Variants in CCSER1 observed in about 807,000 individuals in gnomAD.
The protein encoded by CCSER1 is serine-rich coiled-coil domain-containing protein 1.
CCSER1 carries 41 observed loss-of-function variants against 82.0 expected under a neutral mutation model. That is an observed-to-expected ratio of 0.50 (90% confidence interval 0.39 to 0.65). CCSER1 has a LOEUF of 0.65. Ranked by LOEUF, CCSER1 falls within the 30% of genes least tolerant of loss-of-function variation. The pLI is 0.00. For missense variants in CCSER1, 1,119 were observed against 1,064.2 expected, an observed-to-expected ratio of 1.05 and a Z score of -0.72; for synonymous variants, 414 against 383.9, an observed-to-expected ratio of 1.08 and a Z score of -0.92.
chr4:90,491,595 A>T (rs543433067), intron 5 of CCSER1, among the ~76,000 whole-genome samples: 33 of 152,220 alleles, frequency 2.2e-4, no homozygotes, highest in Non-Finnish European at 4.7e-4. Context: ...GTCTTGTGCC[A>T]GTTTTCAAAG....
In CCSER1 at chr4:90,364,447, A is replaced by G. The variant is rs370363966; in HGVS notation, c.1510-35589A>G. On this transcript the variant is annotated intron_variant, in intron 3 of 10. Coordinates refer to ENST00000509176, the MANE Select transcript of CCSER1 (RefSeq NM_001145065.2). ...ATGGTGTTCTGATTTTAGAAGTTAG[A>G]AGAAAATTGCAATTAAAAATATGAT... Among the ~76,000 whole-genome samples the G allele has an allele frequency of 4.6e-5, 7 of 152,188 alleles. No individual in the cohort carries two copies. The East Asian group carries it at 9.6e-4, about 21-fold the overall frequency.
At chr4:91,503,113 C>A (rs1456772170) in intron 10 of CCSER1, among the ~76,000 whole-genome samples, 1 of 151,954 alleles carries the variant, frequency 6.6e-6, no homozygotes. Flanking sequence ...GAGGCCGAGG[C>A]GGGCGGATCA....
At position 90,377,654 on chromosome 4, in the gene CCSER1, C is replaced by A. The variant is rs10029357; in HGVS notation, c.1510-22382C>A. Among the ~76,000 whole-genome samples, 1,182 of 152,044 alleles carry A rather than the reference C, an allele frequency of 7.8e-3. 12 individuals carry two copies. The highest frequency in any genetic ancestry group is 0.027 in the African/African-American group (1,138 of 41,492). ...AGAATACATGCCTTATTTTTGGAAA[C>A]GTAAATATTACTAAAATTGTATTAA... On this transcript the variant is annotated intron_variant, in intron 3 of 10. Transcript: ENST00000509176.
intron 5 of CCSER1, among the ~76,000 whole-genome samples, chr4:90,562,419 GA>G (rs1778881045): frequency 6.6e-6 from 1 of 151,892 alleles, no homozygotes; most frequent in Admixed American, 6.6e-5. Context: ...AAATAAAAGG[GA>G]AAACACATAG....
At chr4:90,826,957 C>A (rs945291263) in intron 8 of CCSER1, among the ~76,000 whole-genome samples, 18 of 152,074 alleles carry the variant, frequency 1.2e-4, no homozygotes, top group African/African-American at 3.4e-4. Context: ...GGGGTCTTTC[C>A]CCGTTCAGTG....
At position 91,491,760 on chromosome 4, in the gene CCSER1, T is replaced by G. The variant is rs148151615; in HGVS notation, c.2218-106812T>G. ...TTTCCTATTATTAAAGAATAAAACT[T>G]TTACTCATGTGACTACCCTACCAGA... On this transcript the variant is annotated intron_variant, in intron 10 of 10. Transcript: ENST00000509176. Among the ~76,000 whole-genome samples, 14 of 152,146 alleles carry G rather than the reference T, an allele frequency of 9.2e-5. No individual in the cohort carries two copies. The East Asian group carries it at 2.7e-3, about 29-fold the overall frequency.
intron 10 of CCSER1, among the ~76,000 whole-genome samples, chr4:91,134,929 G>A (rs186242675): frequency 4.5e-4 from 68 of 151,914 alleles, no homozygotes; most frequent in Middle Eastern, 6.8e-3. Flanking sequence ...ATGTGGTGGC[G>A]CATGCTTGTA....
chr4:90,627,196 G>A (rs1723452497), intron 5 of CCSER1, among the ~76,000 whole-genome samples: 1 of 151,862 alleles, frequency 6.6e-6, no homozygotes. Context: ...GTAAACAGTT[G>A]AATATTATTC....
At chr4:90,575,467 G>C (rs1780630183) in intron 5 of CCSER1, among the ~76,000 whole-genome samples, 3 of 152,134 alleles carry the variant, frequency 2.0e-5, no homozygotes, top group Non-Finnish European at 4.4e-5. Context: ...CTTCTTAAAG[G>C]TCCCACTTCT....
At chr4:91,366,542 C>T (rs1749626535) in intron 10 of CCSER1, among the ~76,000 whole-genome samples, 1 of 152,182 alleles carries the variant, frequency 6.6e-6, no homozygotes, top group South Asian at 2.1e-4. Flanking sequence ...AAGTTTGACT[C>T]AGAGTCCATT....
intron 5 of CCSER1, among the ~76,000 whole-genome samples, chr4:90,574,027 T>A (rs2148588570): frequency 6.6e-6 from 1 of 152,120 alleles, no homozygotes. Flanking sequence ...ATTGTTTTTT[T>A]TTTAATTAAA....
intron 6 of CCSER1, among the ~76,000 whole-genome samples, chr4:90,671,990 G>A (rs1363102900): frequency 6.6e-6 from 1 of 151,908 alleles, no homozygotes; most frequent in African/African-American, 2.4e-5. Flanking sequence ...CTAAGGAGTA[G>A]GTCTCAACAG....
At chr4:91,258,527 T>C (rs1740867354) in intron 10 of CCSER1, among the ~76,000 whole-genome samples, 1 of 152,086 alleles carries the variant, frequency 6.6e-6, no homozygotes, top group Non-Finnish European at 1.5e-5. Context: ...AGTAAAGCAC[T>C]TTAAACATCA....
At chr4:90,819,372 A>T (rs1199054456) in intron 8 of CCSER1, among the ~76,000 whole-genome samples, 1 of 152,194 alleles carries the variant, frequency 6.6e-6, no homozygotes, top group Admixed American at 6.5e-5. Context: ...TACATAGCAC[A>T]TACTCTTTGT....
At chr4:90,868,554 T>C (rs1373667501) in intron 8 of CCSER1, among the ~76,000 whole-genome samples, 1 of 152,066 alleles carries the variant, frequency 6.6e-6, no homozygotes, top group African/African-American at 2.4e-5. Flanking sequence ...CATGGTTGAT[T>C]AGTACTCATT....
chr4:91,029,497 G>C (rs1477000938), intron 9 of CCSER1, among the ~76,000 whole-genome samples: 1 of 151,946 alleles, frequency 6.6e-6, no homozygotes, highest in Non-Finnish European at 1.5e-5. Flanking sequence ...CTGGTAGTGT[G>C]TTCTAAGGGC....
At chr4:90,621,273 C>T (rs1722279434) in intron 5 of CCSER1, among the ~76,000 whole-genome samples, 1 of 152,078 alleles carries the variant, frequency 6.6e-6, no homozygotes. Flanking sequence ...TTTCCTGAAG[C>T]CCTCCTACCT....
intron 10 of CCSER1, among the ~76,000 whole-genome samples, chr4:91,246,218 G>C (rs1315534329): frequency 3.3e-5 from 5 of 152,136 alleles, no homozygotes; most frequent in Non-Finnish European, 7.3e-5. Flanking sequence ...AAAAAGCAGG[G>C]TGACAAAGTT....
At chr4:91,329,921 A>G (rs79608566) in intron 10 of CCSER1, among the ~76,000 whole-genome samples, 2,047 of 151,782 alleles carry the variant, frequency 0.013, 43 homozygotes, top group African/African-American at 0.047. Context: ...TGCTACTTTT[A>G]TTAGTCATTT....
Sources: gnomAD v4.1 joint callset for allele counts (sites outside exome capture counted in the v4.1 genomes callset) on GRCh38, gnomAD v4.1.1 for gene constraint, MANE v1.5 for transcripts, NCBI Gene and HGNC (gene_info 2026-07-23, HGNC 2026-07-21) for gene names.